The following FLI1 variants were observed in gnomAD, a reference collection of about 807,000 sequenced individuals.
FLI1 encodes Friend leukemia integration 1 transcription factor.
A neutral mutation model predicts 53.1 loss-of-function variants in FLI1; 13 were observed. The observed-to-expected ratio is 0.24, with a 90% CI of 0.16 to 0.39. The LOEUF is 0.39. FLI1 is among the 10% of genes least tolerant of loss of function. FLI1 has a pLI of 1.00. For missense variants in FLI1, 424 were observed against 600.5 expected (o/e 0.71, Z 3.07); for synonymous variants, 244 against 236.7 (o/e 1.03, Z -0.28).
chr11:128,727,197 G>T (rs1398534510), intron 1 of FLI1, among the ~76,000 whole-genome samples: 2 of 152,072 alleles, frequency 1.3e-5, no homozygotes, highest in East Asian at 3.8e-4. Flanking sequence ...TTATAAGCTG[G>T]GTAACCTCCC....
intron 1 of FLI1, among the ~76,000 whole-genome samples, chr11:128,756,964 C>T (rs1940889032): frequency 1.3e-5 from 2 of 152,348 alleles, no homozygotes; most frequent in South Asian, 4.1e-4. Context: ...CTCACTGCAG[C>T]CTCTACTTCC....
intron 2 of FLI1, among the ~76,000 whole-genome samples, chr11:128,758,753 G>A (rs1228996639): frequency 1.3e-5 from 2 of 152,236 alleles, no homozygotes; most frequent in Non-Finnish European, 2.9e-5. Flanking sequence ...TTTAGTAAGA[G>A]TGGAGAAGGG....
intron 5 of FLI1, among the ~76,000 whole-genome samples, chr11:128,799,544 A>C (rs1162362416): frequency 1.3e-5 from 2 of 152,196 alleles, no homozygotes; most frequent in African/African-American, 4.8e-5. Context: ...TCACTCCACA[A>C]GGCCAATGGC....
intron 1 of FLI1, among the ~76,000 whole-genome samples, chr11:128,720,407 T>C (rs1437065655): frequency 1.3e-5 from 2 of 152,206 alleles, no homozygotes; most frequent in African/African-American, 2.4e-5. Flanking sequence ...ATCTTCAGTA[T>C]AGGCTCTAAA....
chr11:128,748,461 T>C (rs1264627217), intron 1 of FLI1, among the ~76,000 whole-genome samples: 2 of 151,970 alleles, frequency 1.3e-5, no homozygotes, highest in Admixed American at 6.6e-5. Context: ...CTGACCAACA[T>C]GGTGAAACCC....
intron 5 of FLI1, among the ~76,000 whole-genome samples, chr11:128,790,517 A>G (rs1220221714): frequency 1.3e-5 from 2 of 152,184 alleles, no homozygotes; most frequent in African/African-American, 4.8e-5. Flanking sequence ...CTAAGTAACC[A>G]TTATCCTTCC....
intron 1 of FLI1, among the ~76,000 whole-genome samples, chr11:128,733,929 G>A (rs1939802232): frequency 6.6e-6 from 1 of 152,188 alleles, no homozygotes; most frequent in Non-Finnish European, 1.5e-5. Context: ...TCCTATCTGG[G>A]CTGCAATCAG....
At chr11:128,805,024 A>T (rs1942739137) in intron 5 of FLI1, 1 of 219,152 alleles carries the variant, frequency 4.6e-6, no homozygotes, top group African/African-American at 2.3e-5. Flanking sequence ...GATAAAACAT[A>T]AATTTTTATT....
chr11:128,768,837 G>A (rs1941450206), intron 3 of FLI1, among the ~76,000 whole-genome samples: 1 of 152,186 alleles, frequency 6.6e-6, no homozygotes, highest in African/African-American at 2.4e-5. Flanking sequence ...CAATGGCCTG[G>A]TCCTCAAGGA....
chr11:128,709,098 C>G (rs961560883), intron 1 of FLI1, among the ~76,000 whole-genome samples: 26 of 152,210 alleles, frequency 1.7e-4, no homozygotes, highest in African/African-American at 5.5e-4. Context: ...TTCAGACCCA[C>G]TTATTAATTG....
At chr11:128,693,282 G>A (rs1937836576), upstream of FLI1, 1 of 152,288 alleles carries the variant, frequency 6.6e-6, no homozygotes, top group Non-Finnish European at 1.5e-5. Context: ...AATGCGCCCG[G>A]AATGGAGTCC....
chr11:128,789,776 G>A (rs1285981619), intron 5 of FLI1, among the ~76,000 whole-genome samples: 4 of 152,070 alleles, frequency 2.6e-5, no homozygotes, highest in Non-Finnish European at 5.9e-5. Context: ...CAGCGTATGG[G>A]GGCTAGGTCT....
intron 4 of FLI1, 96 bp from the exon 5 acceptor site, chr11:128,781,862 C>T: frequency 2.1e-6 from 2 of 942,728 alleles, no homozygotes; most frequent in East Asian, 2.4e-5. Flanking sequence ...CCCCTCTCCC[C>T]ATCTCTTTCC....
At chr11:128,734,369 C>T (rs955376026) in intron 1 of FLI1, among the ~76,000 whole-genome samples, 6 of 152,142 alleles carry the variant, frequency 3.9e-5, no homozygotes, top group Admixed American at 2.0e-4. Context: ...TATTCTCGTG[C>T]GTGTGCAGAG....
chr11:128,770,769 A>G (rs1052851868), intron 3 of FLI1, among the ~76,000 whole-genome samples: 4 of 152,246 alleles, frequency 2.6e-5, no homozygotes, highest in Admixed American at 6.5e-5. Flanking sequence ...TCCCGAGGAT[A>G]TGTTTCTCTA....
At chr11:128,695,222 T>C (rs1421741523) in intron 1 of FLI1, among the ~76,000 whole-genome samples, 2 of 152,200 alleles carry the variant, frequency 1.3e-5, no homozygotes, top group Non-Finnish European at 2.9e-5. Context: ...AGGTGAGGGT[T>C]TGGGTTCGCG....
rs1942754254 is a variant in FLI1 at position 128,805,427 on chromosome 11, C to T, written c.717C>T (p.Asn239=). ...AWGNNMNSGL[N]KSPPLGGAQT... ...GCAATAACATGAATTCTGGCCTCAA[C>T]AAAAGTAAGTAAATGTTTTATAGTT... is the stretch of plus-strand genomic sequence containing the variant. The change falls in exon 6 of 9, where the codon AAC becomes AAT. Residue 239 remains asparagine (N), a synonymous_variant. Transcript: ENST00000527786. 24 of 1,563,058 alleles carry T rather than the reference C, an allele frequency of 1.5e-5. No individual in the cohort carries two copies. The highest frequency in any genetic ancestry group is 2.1e-5 in the Non-Finnish European group (24 of 1,146,254).
intron 1 of FLI1, among the ~76,000 whole-genome samples, chr11:128,747,760 C>T (rs894623688): frequency 6.6e-6 from 1 of 152,180 alleles, no homozygotes; most frequent in Non-Finnish European, 1.5e-5. Flanking sequence ...TTTGTGGTTC[C>T]CACTGCCATC....
At chr11:128,752,251 C>T (rs907912727) in intron 1 of FLI1, among the ~76,000 whole-genome samples, 6 of 152,130 alleles carry the variant, frequency 3.9e-5, no homozygotes, top group East Asian at 1.9e-4. Context: ...GCTGGGATTA[C>T]AGGCATGAGC....
Sources: allele counts gnomAD v4.1 joint callset (sites outside exome capture counted in the v4.1 genomes callset), GRCh38; gene constraint gnomAD v4.1.1; transcripts MANE v1.5; gene names NCBI Gene and HGNC (gene_info 2026-07-23, HGNC 2026-07-21).